The following IL6ST variants were observed in gnomAD, a reference collection of about 807,000 sequenced individuals.
IL6ST encodes the protein interleukin-6 receptor subunit beta.
In IL6ST, 24 loss-of-function variants were observed where a neutral mutation model predicts 91.3. The ratio of observed to expected loss-of-function variants is 0.26; its 90% CI spans 0.19 to 0.37. The LOEUF (loss-of-function observed/expected upper bound fraction) is 0.37, where lower values mean the gene tolerates loss of function less well. Among genes scored for constraint, IL6ST ranks in the 10% least tolerant of loss-of-function variants. The probability of loss-of-function intolerance (pLI) is 1.00; values close to 1 mark genes in which losing one functional copy is unlikely to be tolerated. For missense variants in IL6ST, 914 were observed against 1,078.5 expected, an observed-to-expected ratio of 0.85 and a Z score of 2.14; for synonymous variants, 351 against 373.6, an observed-to-expected ratio of 0.94 and a Z score of 0.70.
chr5:55,993,819 G>GC (rs1754474146), intron 1 of IL6ST, among the ~76,000 whole-genome samples: 1 of 151,996 alleles, frequency 6.6e-6, no homozygotes, highest in African/African-American at 2.4e-5. Context: ...TAACATAATG[G>GC]CACACAGCTA....
chr5:55,955,972 C>G, intron 10 of IL6ST, 53 bp downstream of exon 10: 1 of 1,260,616 alleles, frequency 7.9e-7, no homozygotes, highest in Admixed American at 1.7e-5. Context: ...CCTGTCCATA[C>G]CTAACCACCA....
chr5:55,958,717 T>C (rs941524327), intron 8 of IL6ST, among the ~76,000 whole-genome samples: 4 of 151,734 alleles, frequency 2.6e-5, no homozygotes, highest in Admixed American at 6.6e-5. Flanking sequence ...CACGTGCCTA[T>C]AGTCCCAGCT....
intron 2 of IL6ST, among the ~76,000 whole-genome samples, chr5:55,977,698 T>C (rs9791086): frequency 0.52 from 78,344 of 151,764 alleles, 21,431 homozygotes; most frequent in African/African-American, 0.67. Flanking sequence ...TGGTGGCGGG[T>C]GTCTGTGATG....
chr5:55,974,946 C>CACACAT (rs1753191818), intron 3 of IL6ST, among the ~76,000 whole-genome samples: 1 of 149,222 alleles, frequency 6.7e-6, no homozygotes, highest in Admixed American at 6.6e-5. Flanking sequence ...TACACACACA[C>CACACAT]ACACACACAT....
intron 2 of IL6ST, among the ~76,000 whole-genome samples, chr5:55,977,081 T>C (rs1753337912): frequency 6.6e-6 from 1 of 152,058 alleles, no homozygotes; most frequent in Admixed American, 6.6e-5. Flanking sequence ...CTGCTGAATG[T>C]ATAAACATAC....
intron 14 of IL6ST, 27 bp downstream of exon 14, chr5:55,951,437 A>G (rs1275699486): frequency 1.3e-6 from 2 of 1,589,014 alleles, no homozygotes; most frequent in Admixed American, 1.8e-5. Flanking sequence ...TGAGAAAGAA[A>G]AAAAACCAAA....
intron 1 of IL6ST, among the ~76,000 whole-genome samples, chr5:55,990,216 A>C (rs577243886): frequency 6.6e-6 from 1 of 152,250 alleles, no homozygotes; most frequent in East Asian, 1.9e-4. Context: ...TAGCTCTCTT[A>C]TTCACGATCA....
chr5:55,951,830 A>C (rs1488514498), intron 13 of IL6ST, 99 bp downstream of exon 13: 3 of 814,666 alleles, frequency 3.7e-6, no homozygotes, highest in Non-Finnish European at 5.7e-6. Flanking sequence ...TCCTGAGGCC[A>C]ATATACTATA....
intron 1 of IL6ST, chr5:55,993,993 G>C (rs1754487075): frequency 7.8e-6 from 1 of 128,250 alleles, no homozygotes; most frequent in Non-Finnish European, 1.6e-5. Context: ...TTTTAAGGCA[G>C]TATAATTGTT....
Position 55,938,463 on chromosome 5 carries a change from T to A in IL6ST, c.*2619A>T. On this transcript the variant is annotated 3_prime_UTR_variant, in exon 17 of 17. Transcript: ENST00000381298. ...CATCAGTAACTGACAAGTTATAATATCAACACATGTAACATTTGGGTCATT... is the reference window on the plus strand; with the variant it reads ...CATCAGTAACTGACAAGTTATAATAACAACACATGTAACATTTGGGTCATT... 1 of 195,310 alleles carries A rather than the reference T, an allele frequency of 5.1e-6. No homozygotes were observed. The highest frequency in any genetic ancestry group is 1.1e-5 in the Non-Finnish European group (1 of 93,764). The allele number at this position is 195,310 out of a possible 1,614,324, so 12.1% of individuals were successfully genotyped here. A position where few individuals can be genotyped will look rare whatever the true frequency, so the allele number is the denominator to read the frequency against.
At chr5:55,958,194 C>G (rs1288732176) in intron 8 of IL6ST, among the ~76,000 whole-genome samples, 1 of 152,156 alleles carries the variant, frequency 6.6e-6, no homozygotes, top group Non-Finnish European at 1.5e-5. Flanking sequence ...TAACCTTCAG[C>G]TCCTAGGCTC....
intron 5 of IL6ST, among the ~76,000 whole-genome samples, chr5:55,964,828 A>G (rs552471866): frequency 6.6e-6 from 1 of 152,260 alleles, no homozygotes; most frequent in South Asian, 2.1e-4. Context: ...TAATATTACT[A>G]TATTTATTTA....
At chr5:55,944,978 G>A (rs1751149673) in intron 15 of IL6ST, among the ~76,000 whole-genome samples, 1 of 150,232 alleles carries the variant, frequency 6.7e-6, no homozygotes, top group Non-Finnish European at 1.5e-5. Flanking sequence ...GTTTATTTGT[G>A]GCCGAGTGTA....
At chr5:55,965,287 A>G (rs372486769) in intron 5 of IL6ST, among the ~76,000 whole-genome samples, 2 of 152,208 alleles carry the variant, frequency 1.3e-5, no homozygotes, top group African/African-American at 4.8e-5. Context: ...CGTAGGATAA[A>G]GCAAATGAAT....
At chr5:55,951,714 A>T (rs1377501903) in intron 13 of IL6ST, 110 bp from the exon 14 acceptor site, 1 of 1,071,218 alleles carries the variant, frequency 9.3e-7, no homozygotes, top group Non-Finnish European at 1.4e-6. Flanking sequence ...TTTTTGTTGG[A>T]AAACAACTTT....
At position 55,964,206 on chromosome 5, in the gene IL6ST, C is replaced by CT; in HGVS notation, c.597dup (p.Ala200SerfsTer16). 1 of 1,610,540 alleles carries CT rather than the reference C, an allele frequency of 6.2e-7. No homozygotes were observed. Among genetic ancestry groups the CT allele is most frequent in the Non-Finnish European group, 8.5e-7 (1 of 1,177,898 alleles). ...GTAACCTTCCCAAGGGCATTCTCTG[C>CT]TTCTACCCAGACTTCAATGTTGACA... On this transcript the variant is annotated frameshift_variant, in exon 6 of 17. Transcript: ENST00000381298. LOFTEE classifies it high-confidence loss of function.
Position 55,969,631 on chromosome 5 carries a change from A to T in IL6ST, c.289T>A (p.Leu97Ile), listed in dbSNP as rs368013040. 2.5e-6 allele frequency: 4 copies of T among 1,612,612 alleles called. No individual in the cohort carries two copies. The African/African-American group carries it at 5.3e-5, about 22-fold the overall frequency. Residue 97 changes from leucine to isoleucine, a missense_variant, in exon 4 of 17, where the codon TTA becomes ATA. Leu to Ile is a conservative substitution (Grantham distance 5). Transcript: ENST00000381298. Reference protein sequence around the residue: ...SSVTFTDIASLNIQLTCNILT... With the variant: ...SSVTFTDIASINIQLTCNILT... ...ATGTTGCAAGTGAGCTGAATATTTA[A>T]TGAAGCTATATCTGTAAAGGTGACA...
intron 15 of IL6ST, among the ~76,000 whole-genome samples, chr5:55,944,305 G>T (rs1256501830): frequency 6.6e-6 from 1 of 152,130 alleles, no homozygotes; most frequent in Non-Finnish European, 1.5e-5. Context: ...AAGCATGATT[G>T]TGTATCTAGA....
Position 55,951,545 on chromosome 5 carries a change from A to G in IL6ST, c.1759T>C (p.Leu587=), listed in dbSNP as rs753988534. The G allele has an allele frequency of 1.6e-5, 26 of 1,611,854 alleles. No homozygotes were observed. Among genetic ancestry groups the G allele is most frequent in the Non-Finnish European group, 2.1e-5 (25 of 1,178,082 alleles). Residue 587 remains leucine, a synonymous_variant, in exon 14 of 17, where the codon TTG becomes CTG. Transcript: ENST00000381298. ...YTLSSLTSDT[L]YMVRMAAYTD... Reference sequence around the variant, plus strand: ...TATGCTGCCATTCGTACCATGTACAATGTGTCACTAGTCAAAGAGGACAAT... The same window carrying G: ...TATGCTGCCATTCGTACCATGTACAGTGTGTCACTAGTCAAAGAGGACAAT...
Sources: allele counts gnomAD v4.1 joint callset (sites outside exome capture counted in the v4.1 genomes callset), GRCh38; gene constraint gnomAD v4.1.1; transcripts MANE v1.5; gene names NCBI Gene and HGNC (gene_info 2026-07-23, HGNC 2026-07-21).